The following STS variants were observed in gnomAD, a reference collection of about 807,000 sequenced individuals.
STS encodes the protein steroid sulfatase, also known as steryl-sulfatase.
Under a neutral mutation model 26.8 loss-of-function variants are expected in STS, and 7 were observed. The observed-to-expected ratio is 0.26, with a 90% CI of 0.15 to 0.49. The LOEUF (loss-of-function observed/expected upper bound fraction) is 0.49, where lower values mean the gene tolerates loss of function less well. Among genes scored for constraint, STS ranks in the 20% least tolerant of loss-of-function variants. STS has a pLI of 0.98. For synonymous variants in STS, 199 were observed against 189.4 expected (o/e 1.05, Z -0.42); for missense variants, 434 against 465.6 (o/e 0.93, Z 0.63).
chrX:7,202,629 T>C (rs1438060501), intron 2 of STS, among the ~76,000 whole-genome samples: 1 of 111,412 alleles, frequency 9.0e-6, no homozygotes, highest in Non-Finnish European at 1.9e-5. Flanking sequence ...AAGTTGATGA[T>C]GGGTGGATTT....
intron 1 of STS, among the ~76,000 whole-genome samples, chrX:7,187,946 A>T (rs1377685946): frequency 8.9e-6 from 1 of 111,825 alleles, no homozygotes; most frequent in East Asian, 2.8e-4. Flanking sequence ...AGTTGTGAGG[A>T]TTATAGATAA....
At chrX:7,236,691 G>T (rs920968577) in intron 2 of STS, among the ~76,000 whole-genome samples, 5 of 111,870 alleles carry the variant, frequency 4.5e-5, no homozygotes, top group Non-Finnish European at 7.5e-5. Flanking sequence ...ATATAAACTT[G>T]AAAAAGCATT....
At chrX:7,304,343 GTTATTA>G (rs1224739124) in intron 7 of STS, among the ~76,000 whole-genome samples, 3 of 111,418 alleles carry the variant, frequency 2.7e-5, no homozygotes, top group Non-Finnish European at 5.6e-5. Context: ...AGCAATTATT[GTTATTA>G]TTATTGTTGT....
At chrX:7,247,553 C>T (rs1436164244) in intron 2 of STS, among the ~76,000 whole-genome samples, 2 of 112,304 alleles carry the variant, frequency 1.8e-5, no homozygotes, top group African/African-American at 6.5e-5. Context: ...ATATACTTCT[C>T]TTGGAGCTAA....
At chrX:7,264,107 G>A (rs1390992337) in intron 6 of STS, among the ~76,000 whole-genome samples, 1 of 111,588 alleles carries the variant, frequency 9.0e-6, no homozygotes, top group Non-Finnish European at 1.9e-5. Context: ...GTTATGAGTC[G>A]TTCTTGGGCA....
intron 2 of STS, among the ~76,000 whole-genome samples, chrX:7,197,185 C>A (rs1381937568): frequency 1.8e-5 from 2 of 111,935 alleles, no homozygotes; most frequent in Non-Finnish European, 3.8e-5. Context: ...CCACTCCGTG[C>A]TCCAGGCACT....
At chrX:7,348,190 A>C (rs1334434273) in intron 10 of STS, among the ~76,000 whole-genome samples, 4 of 111,717 alleles carry the variant, frequency 3.6e-5, no homozygotes, top group African/African-American at 6.5e-5. Context: ...TTTAAAAAAA[A>C]CCCACATACA....
chrX:7,241,336 G>A lies in STS; in HGVS notation c.-4-11860G>A, dbSNP rs181990034. Among the ~76,000 whole-genome samples the A allele has an allele frequency of 2.5e-3, 276 of 111,626 alleles. 1 individual carries two copies. Among genetic ancestry groups the A allele is most frequent in the Non-Finnish European group, 4.2e-3 (224 of 53,077 alleles). On this transcript the variant is annotated intron_variant, in intron 2 of 10. Coordinates refer to ENST00000674429, the MANE Select transcript of STS (RefSeq NM_001320752.2). The stretch of plus-strand genomic sequence containing the variant: ...CCAAAGTAGGTCTCTAAATAGCTAG[G>A]TTTTTTTGGTGAGATTTTAGTTAGT...
At chrX:7,309,294 G>A (rs768988076) in intron 8 of STS, among the ~76,000 whole-genome samples, 1 of 110,973 alleles carries the variant, frequency 9.0e-6, no homozygotes, top group African/African-American at 3.3e-5. Flanking sequence ...TGCAGGAACA[G>A]AAAATCAAAT....
At chrX:7,330,185 G>GGCA in intron 9 of STS, among the ~76,000 whole-genome samples, 1 of 111,821 alleles carries the variant, frequency 8.9e-6, no homozygotes, top group Admixed American at 9.5e-5. Context: ...TGTTACAAAA[G>GGCA]GCAGCAACAA....
chrX:7,271,157 A>G (rs1204437756), intron 6 of STS, among the ~76,000 whole-genome samples: 1 of 110,617 alleles, frequency 9.0e-6, no homozygotes, highest in Non-Finnish European at 1.9e-5. Flanking sequence ...ACCATGTACT[A>G]TGCTTGGGAG....
intron 2 of STS, among the ~76,000 whole-genome samples, chrX:7,226,564 C>T (rs1218279125): frequency 1.8e-5 from 2 of 111,368 alleles, no homozygotes; most frequent in South Asian, 3.8e-4. Flanking sequence ...TTCTCTAAAA[C>T]GTTTGCATGA....
intron 6 of STS, among the ~76,000 whole-genome samples, chrX:7,274,303 A>C (rs1397112886): frequency 9.0e-6 from 1 of 111,391 alleles, no homozygotes; most frequent in Non-Finnish European, 1.9e-5. Context: ...GCTGTCATTA[A>C]GGTGTGTCTG....
chrX:7,207,997 A>C (rs1369650088), intron 2 of STS, among the ~76,000 whole-genome samples: 1 of 112,306 alleles, frequency 8.9e-6, no homozygotes, highest in Non-Finnish European at 1.9e-5. Context: ...CAGCAGAAAA[A>C]ACAGCCATTC....
chrX:7,251,996 G>C (rs989166193), intron 2 of STS, among the ~76,000 whole-genome samples: 3 of 110,317 alleles, frequency 2.7e-5, no homozygotes, highest in Non-Finnish European at 5.7e-5. Flanking sequence ...TTACTTAATA[G>C]AACAAAGAAA....
intron 8 of STS, among the ~76,000 whole-genome samples, chrX:7,320,378 A>G (rs1356582791): frequency 9.2e-6 from 1 of 109,286 alleles, no homozygotes; most frequent in Non-Finnish European, 1.9e-5. Context: ...TCAATACACA[A>G]TGCCACGTTA....
At chrX:7,292,632 G>T (rs1925475625) in intron 7 of STS, among the ~76,000 whole-genome samples, 1 of 110,400 alleles carries the variant, frequency 9.1e-6, no homozygotes, top group South Asian at 3.8e-4. Context: ...CCATAGTCTT[G>T]TCGTTCCTTA....
chrX:7,320,446 G>C (rs188492945), intron 8 of STS, among the ~76,000 whole-genome samples: 1 of 110,796 alleles, frequency 9.0e-6, no homozygotes, highest in East Asian at 2.8e-4. Flanking sequence ...TTTGGTTTTT[G>C]TTCCTGTTTA....
intron 8 of STS, among the ~76,000 whole-genome samples, chrX:7,323,532 T>C (rs1927171775): frequency 8.9e-6 from 1 of 111,756 alleles, no homozygotes; most frequent in African/African-American, 3.3e-5. Context: ...AGCTATACCA[T>C]GTTGCTACAA....
Sources: gnomAD v4.1 joint callset for allele counts (sites outside exome capture counted in the v4.1 genomes callset) on GRCh38, gnomAD v4.1.1 for gene constraint, MANE v1.5 for transcripts, NCBI Gene and HGNC (gene_info 2026-07-23, HGNC 2026-07-21) for gene names.